Variants in PLCXD3 observed in about 807,000 individuals in gnomAD.
The protein encoded by PLCXD3 is phosphatidylinositol specific phospholipase C X domain containing 3, also known as PI-PLC X domain-containing protein 3.
Under a neutral mutation model 25.5 loss-of-function variants are expected in PLCXD3, and 19 were observed. The observed-to-expected ratio is 0.75, with a 90% CI of 0.52 to 1.09. PLCXD3 has a LOEUF of 1.09. Ranked by LOEUF, PLCXD3 falls within the 50% of genes least tolerant of loss-of-function variation. PLCXD3 has a pLI of 0.00. For synonymous variants in PLCXD3, 174 were observed against 137.6 expected (o/e 1.26, Z -1.85); for missense variants, 411 against 388.1 (o/e 1.06, Z -0.50).
At position 41,307,798 on chromosome 5, in the gene PLCXD3, A is replaced by T. The variant is rs571256013; in HGVS notation, c.*5819T>A. On this transcript the variant is annotated 3_prime_UTR_variant, in exon 3 of 3. Coordinates refer to ENST00000377801, the MANE Select transcript of PLCXD3 (RefSeq NM_001005473.3). ...GGGGGAAATAATGAATTCGTTTGTT[A>T]TCTCTCTGAAAGAAAAAAGAAATTG... 6.6e-6 allele frequency: 1 copy of T among 152,290 alleles called. No homozygotes were observed. The highest frequency in any genetic ancestry group is 2.4e-5 in the African/African-American group (1 of 41,584). 9.4% of individuals were successfully genotyped at this position (152,290 alleles called of 1,614,324 possible). A position where few individuals can be genotyped will look rare whatever the true frequency, so the allele number is the denominator to read the frequency against.
At chr5:41,361,125 T>C (rs1294147153) in intron 2 of PLCXD3, among the ~76,000 whole-genome samples, 1 of 146,016 alleles carries the variant, frequency 6.8e-6, no homozygotes, top group African/African-American at 2.5e-5. Context: ...AATGAGGTTA[T>C]GTTCCCAGGG....
intron 2 of PLCXD3, among the ~76,000 whole-genome samples, chr5:41,378,893 T>C (rs1326140434): frequency 6.6e-6 from 1 of 152,028 alleles, no homozygotes; most frequent in African/African-American, 2.4e-5. Flanking sequence ...TTACATCAAA[T>C]GCCATAAGAG....
In PLCXD3 at chr5:41,358,453, C is replaced by G. The variant is rs182059934; in HGVS notation, c.812+23373G>C. Among the ~76,000 whole-genome samples the G allele has an allele frequency of 3.3e-5, 5 of 152,192 alleles. No homozygotes were observed. The South Asian group carries it at 6.2e-4, about 19-fold the overall frequency. On this transcript the variant is annotated intron_variant, in intron 2 of 2. Transcript: ENST00000377801. ...TATGTAGTCTTTTATTCCTCACCCC[C>G]ACTCCCGCTCTTTCCCCCAAGTCCT...
intron 2 of PLCXD3, among the ~76,000 whole-genome samples, chr5:41,337,457 C>G (rs1458607256): frequency 1.3e-5 from 2 of 152,160 alleles, no homozygotes; most frequent in Non-Finnish European, 2.9e-5. Flanking sequence ...CTCTGTTCAG[C>G]TTCATGTCCC....
chr5:41,361,446 C>T (rs979808803), intron 2 of PLCXD3, among the ~76,000 whole-genome samples: 5 of 152,206 alleles, frequency 3.3e-5, no homozygotes, highest in African/African-American at 9.6e-5. Flanking sequence ...CTGGAATGTC[C>T]CTGCAGTAGT....
intron 1 of PLCXD3, among the ~76,000 whole-genome samples, chr5:41,455,216 T>C (rs374662103): frequency 6.6e-6 from 1 of 151,962 alleles, no homozygotes; most frequent in Non-Finnish European, 1.5e-5. Context: ...GACTTCAGGC[T>C]TCCGGAAATA....
At chr5:41,339,843 T>G (rs564466005) in intron 2 of PLCXD3, among the ~76,000 whole-genome samples, 37 of 152,184 alleles carry the variant, frequency 2.4e-4, no homozygotes, top group Non-Finnish European at 5.0e-4. Context: ...AAATGCTTCC[T>G]CATAATAGAT....
At chr5:41,476,798 T>C (rs937734054) in intron 1 of PLCXD3, among the ~76,000 whole-genome samples, 19 of 152,314 alleles carry the variant, frequency 1.2e-4, no homozygotes, top group Admixed American at 3.3e-4. Flanking sequence ...ACTTTCATTA[T>C]CCACATTTTA....
At chr5:41,317,020 G>A (rs140341188) in intron 2 of PLCXD3, among the ~76,000 whole-genome samples, 2 of 152,302 alleles carry the variant, frequency 1.3e-5, no homozygotes, top group East Asian at 1.9e-4. Context: ...ATACACAATA[G>A]CCAGGGACTG....
intron 1 of PLCXD3, among the ~76,000 whole-genome samples, chr5:41,498,569 G>A (rs1748888874): frequency 6.6e-6 from 1 of 151,526 alleles, no homozygotes; most frequent in South Asian, 2.1e-4. Context: ...TGGTTTAAAG[G>A]TGAATTCTAT....
intron 1 of PLCXD3, among the ~76,000 whole-genome samples, chr5:41,458,644 G>A (rs1747807390): frequency 6.6e-6 from 1 of 151,966 alleles, no homozygotes; most frequent in Admixed American, 6.6e-5. Context: ...CAGGTCATTT[G>A]ACACTAATGC....
intron 1 of PLCXD3, among the ~76,000 whole-genome samples, chr5:41,389,293 A>G (rs1013366486): frequency 3.3e-5 from 5 of 152,172 alleles, no homozygotes; most frequent in Admixed American, 2.0e-4. Context: ...AAAGACCACA[A>G]AATGAATACC....
At chr5:41,470,140 A>C (rs1748117381) in intron 1 of PLCXD3, among the ~76,000 whole-genome samples, 1 of 152,224 alleles carries the variant, frequency 6.6e-6, no homozygotes, top group Non-Finnish European at 1.5e-5. Flanking sequence ...TTAAATATGC[A>C]TGTTTATCTC....
chr5:41,359,746 C>A (rs1455702207), intron 2 of PLCXD3, among the ~76,000 whole-genome samples: 1 of 151,870 alleles, frequency 6.6e-6, no homozygotes, highest in Non-Finnish European at 1.5e-5. Context: ...TTGGTTATTT[C>A]TTTTCTTACG....
At chr5:41,318,967 C>T (rs760302721) in intron 2 of PLCXD3, among the ~76,000 whole-genome samples, 4 of 152,138 alleles carry the variant, frequency 2.6e-5, no homozygotes, top group Non-Finnish European at 5.9e-5. Flanking sequence ...AGTTGCTATA[C>T]TTATATCAGA....
Position 41,475,738 on chromosome 5 carries a change from G to A in PLCXD3, c.103+34686C>T, listed in dbSNP as rs572058991. 15 of 534,484 alleles carry A rather than the reference G, an allele frequency of 2.8e-5. No homozygotes were observed. In the East Asian group the frequency reaches 3.8e-4, roughly 14 times the overall value. 33.1% of individuals were successfully genotyped at this position (534,484 alleles called of 1,614,324 possible). A position where few individuals can be genotyped will look rare whatever the true frequency, so the allele number is the denominator to read the frequency against. ...ACTACTTGAGACTGTCATTACAAGA[G>A]TTACTTCTGTTACTACTTGAGACCA... On this transcript the variant is annotated intron_variant, in intron 1 of 2. Coordinates refer to ENST00000377801, the MANE Select transcript of PLCXD3 (RefSeq NM_001005473.3).
intron 1 of PLCXD3, among the ~76,000 whole-genome samples, chr5:41,416,202 T>C (rs902222895): frequency 3.3e-5 from 5 of 152,068 alleles, no homozygotes; most frequent in African/African-American, 9.7e-5. Flanking sequence ...AATCCTATAA[T>C]AGTTACCCTT....
At chr5:41,388,125 TAA>T (rs35656974) in intron 1 of PLCXD3, among the ~76,000 whole-genome samples, 1 of 146,372 alleles carries the variant, frequency 6.8e-6, no homozygotes, top group Admixed American at 6.8e-5. Flanking sequence ...AGTTGGAAAC[TAA>T]AAAAAAAAAT....
chr5:41,383,866 A>T (rs1259793101), intron 1 of PLCXD3, among the ~76,000 whole-genome samples: 2 of 148,914 alleles, frequency 1.3e-5, no homozygotes, highest in Non-Finnish European at 3.0e-5. Context: ...CATTTTTTTC[A>T]GTGATGCAAT....
Sources: allele counts gnomAD v4.1 joint callset (sites outside exome capture counted in the v4.1 genomes callset), GRCh38; gene constraint gnomAD v4.1.1; transcripts MANE v1.5; gene names NCBI Gene and HGNC (gene_info 2026-07-23, HGNC 2026-07-21).